MSRA: variants seen among roughly 807,000 people sequenced by gnomAD.
MSRA encodes mitochondrial peptide methionine sulfoxide reductase.
In MSRA, 54 loss-of-function variants were observed where a neutral mutation model predicts 31.3. That is an observed-to-expected ratio of 1.73 (90% CI 1.39 to 2.17). The LOEUF (loss-of-function observed/expected upper bound fraction) is 2.17, where lower values mean the gene tolerates loss of function less well. MSRA is among the 30% of genes most tolerant of loss of function. The pLI, the probability that MSRA is intolerant of heterozygous loss-of-function variation, is 0.00. For synonymous variants in MSRA, 169 were observed against 116.5 expected, an observed-to-expected ratio of 1.45 and a Z score of -2.90; for missense variants, 507 against 300.9, an observed-to-expected ratio of 1.69 and a Z score of -5.07.
intron 1 of MSRA, among the ~76,000 whole-genome samples, chr8:10,079,430 C>T (rs137953867): frequency 1.3e-5 from 2 of 152,148 alleles, no homozygotes; most frequent in South Asian, 2.1e-4. Flanking sequence ...GCTGGACTTA[C>T]AGGTGTGAGC....
At chr8:10,061,617 A>G (rs1225298631) in intron 1 of MSRA, among the ~76,000 whole-genome samples, 1 of 152,074 alleles carries the variant, frequency 6.6e-6, no homozygotes, top group African/African-American at 2.4e-5. Flanking sequence ...CTTCACCAAG[A>G]GTGCAGTCAA....
chr8:10,259,737 G>C (rs1041329025), intron 3 of MSRA, among the ~76,000 whole-genome samples: 6 of 152,222 alleles, frequency 3.9e-5, no homozygotes, highest in African/African-American at 1.4e-4. Flanking sequence ...AGGCGTGTGG[G>C]GGAGAGATTC....
At chr8:10,374,748 T>C (rs1805665159) in intron 5 of MSRA, among the ~76,000 whole-genome samples, 1 of 152,194 alleles carries the variant, frequency 6.6e-6, no homozygotes, top group African/African-American at 2.4e-5. Context: ...TTGTTGGATA[T>C]GGTTTGGATG....
At chr8:10,359,800 G>C (rs1804736455) in intron 5 of MSRA, among the ~76,000 whole-genome samples, 2 of 152,210 alleles carry the variant, frequency 1.3e-5, no homozygotes, top group African/African-American at 2.4e-5. Context: ...CTTTTGCAAA[G>C]TTTGCCTTTT....
At chr8:10,385,009 A>C (rs1304041534) in intron 5 of MSRA, among the ~76,000 whole-genome samples, 6 of 152,184 alleles carry the variant, frequency 3.9e-5, no homozygotes, top group Non-Finnish European at 8.8e-5. Context: ...CTCCGAAAAA[A>C]AAAGGAAAAA....
intron 4 of MSRA, among the ~76,000 whole-genome samples, chr8:10,309,174 TTTAA>T (rs1431726563): frequency 1.3e-5 from 2 of 152,248 alleles, no homozygotes; most frequent in Admixed American, 6.5e-5. Context: ...AAATCACATG[TTTAA>T]TTGTTTATTG....
chr8:10,348,207 T>G (rs778139947), intron 5 of MSRA, among the ~76,000 whole-genome samples: 37 of 152,252 alleles, frequency 2.4e-4, no homozygotes, highest in Non-Finnish European at 4.6e-4. Context: ...CCATCAGTGT[T>G]TACTCAGCCC....
At chr8:10,389,126 G>C (rs1806576160) in intron 5 of MSRA, among the ~76,000 whole-genome samples, 1 of 152,086 alleles carries the variant, frequency 6.6e-6, no homozygotes, top group East Asian at 1.9e-4. Flanking sequence ...GGCATGAATG[G>C]GTTAAAACAC....
At chr8:10,144,046 A>G (rs745678686) in intron 1 of MSRA, among the ~76,000 whole-genome samples, 1 of 152,140 alleles carries the variant, frequency 6.6e-6, no homozygotes, top group Admixed American at 6.5e-5. Flanking sequence ...CCATTTGTGA[A>G]GTCTGGTGGT....
chr8:10,074,904 C>A (rs1341325742), intron 1 of MSRA, among the ~76,000 whole-genome samples: 3 of 152,164 alleles, frequency 2.0e-5, no homozygotes, highest in Non-Finnish European at 4.4e-5. Context: ...AGTGATCTGC[C>A]TGTCTCGGCC....
intron 1 of MSRA, among the ~76,000 whole-genome samples, chr8:10,087,133 G>T (rs779830141): frequency 3.9e-5 from 6 of 152,114 alleles, no homozygotes; most frequent in African/African-American, 7.2e-5. Context: ...CTTCCTACTA[G>T]ACCTTAAACA....
intron 2 of MSRA, among the ~76,000 whole-genome samples, chr8:10,239,057 C>G (rs1421256543): frequency 6.6e-6 from 1 of 151,950 alleles, no homozygotes; most frequent in Non-Finnish European, 1.5e-5. Flanking sequence ...ATAGAAGAAC[C>G]CAATAGAAAA....
At chr8:10,251,162 A>C (rs113656293) in intron 3 of MSRA, among the ~76,000 whole-genome samples, 1,767 of 151,252 alleles carry the variant, frequency 0.012, 22 homozygotes, top group Middle Eastern at 0.032. Flanking sequence ...ACTCTAACTG[A>C]GCAAGGAATA....
At chr8:10,068,344 A>G (rs1374055874) in intron 1 of MSRA, among the ~76,000 whole-genome samples, 4 of 152,152 alleles carry the variant, frequency 2.6e-5, no homozygotes, top group South Asian at 2.1e-4. Context: ...CTTGTGGACC[A>G]TTTCTTTCAT....
rs771277551 is a variant in MSRA, at chr8:10,301,557, G to A, written c.355G>A (p.Val119Ile). ...AGAAAAAACTGGCCATGCAGAAGTCGTCCGAGTGGTGTACCAGCCAGAACA... is the reference window on the plus strand; with the variant it reads ...AGAAAAAACTGGCCATGCAGAAGTCATCCGAGTGGTGTACCAGCCAGAACA... ...CSEKTGHAEVVRVVYQPEHMS... is the reference protein window; with the variant it reads ...CSEKTGHAEVIRVVYQPEHMS... The change falls in exon 4 of 6, where the codon GTC becomes ATC. Residue 119 changes from valine (V) to isoleucine (I), a missense_variant. Physicochemically the swap from Val to Ile is conservative, Grantham distance 29 (BLOSUM62 3). Coordinates refer to ENST00000317173, the MANE Select transcript of MSRA (RefSeq NM_012331.5). 1.2e-5 allele frequency: 19 copies of A among 1,613,668 alleles called. No individual in the cohort carries two copies. Among genetic ancestry groups the A allele is most frequent in the Middle Eastern group, 1.6e-4 (1 of 6,082 alleles).
At chr8:10,173,984 G>C (rs1805824249) in intron 1 of MSRA, among the ~76,000 whole-genome samples, 2 of 152,176 alleles carry the variant, frequency 1.3e-5, no homozygotes, top group South Asian at 2.1e-4. Context: ...GGCCTGGGCA[G>C]ATTTCTAAGA....
At chr8:10,065,261 C>T (rs1797400172) in intron 1 of MSRA, among the ~76,000 whole-genome samples, 1 of 152,160 alleles carries the variant, frequency 6.6e-6, no homozygotes, top group Non-Finnish European at 1.5e-5. Flanking sequence ...CAGTCTGTCC[C>T]TGCTAGCCCC....
intron 5 of MSRA, among the ~76,000 whole-genome samples, chr8:10,414,426 G>T (rs1030787941): frequency 6.6e-6 from 1 of 152,198 alleles, no homozygotes. Flanking sequence ...TGCAGTCGGT[G>T]TGACCCACCA....
chr8:10,229,107 AT>A (rs1487907499), intron 2 of MSRA, among the ~76,000 whole-genome samples: 2 of 152,122 alleles, frequency 1.3e-5, no homozygotes, highest in Non-Finnish European at 2.9e-5. Flanking sequence ...AGTTCTACTC[AT>A]TTTTTACATG....
Sources: gnomAD v4.1 joint callset for allele counts (sites outside exome capture counted in the v4.1 genomes callset) on GRCh38, gnomAD v4.1.1 for gene constraint, MANE v1.5 for transcripts, NCBI Gene and HGNC (gene_info 2026-07-23, HGNC 2026-07-21) for gene names.